Variants in MIPEP observed in about 807,000 individuals in gnomAD.
MIPEP encodes mitochondrial intermediate peptidase.
Under a neutral mutation model 90.3 loss-of-function variants are expected in MIPEP, and 79 were observed. That is an observed-to-expected ratio of 0.87 (90% confidence interval 0.73 to 1.05). The LOEUF (loss-of-function observed/expected upper bound fraction) is 1.05. Among genes scored for constraint, MIPEP ranks in the 50% least tolerant of loss-of-function variants. MIPEP has a pLI of 0.00. For missense variants in MIPEP, 940 were observed against 905.6 expected, an observed-to-expected ratio of 1.04 and a Z score of -0.49; for synonymous variants, 334 against 315.8, an observed-to-expected ratio of 1.06 and a Z score of -0.61.
At chr13:23,811,405 A>G (rs978997886) in intron 14 of MIPEP, among the ~76,000 whole-genome samples, 1 of 152,220 alleles carries the variant, frequency 6.6e-6, no homozygotes, top group Non-Finnish European at 1.5e-5. Context: ...AGAGGCCAAG[A>G]TAACTATAAG....
chr13:23,840,660 C>A (rs9510888), intron 11 of MIPEP, among the ~76,000 whole-genome samples: 2 of 152,060 alleles, frequency 1.3e-5, no homozygotes, highest in Admixed American at 1.3e-4. Flanking sequence ...AAGACGTGGC[C>A]GAGAGACAAT....
At chr13:23,851,099 G>A (rs1869782921) in intron 10 of MIPEP, among the ~76,000 whole-genome samples, 1 of 152,210 alleles carries the variant, frequency 6.6e-6, no homozygotes, top group Admixed American at 6.5e-5. Context: ...TCCAGCAACA[G>A]ACCCTATTCT....
rs182901731 is a variant in MIPEP at position 23,777,832 on chromosome 13, G to C, written c.1849-17615C>G. Among the ~76,000 whole-genome samples, 25 of 152,234 alleles carry C rather than the reference G, an allele frequency of 1.6e-4. No homozygotes were observed. In the Middle Eastern group the frequency reaches 0.014, roughly 83 times the overall value. ...AGTACTGTGCTTCTCTAAACTAACT[G>C]TGGCAGCATATTATTCTCTAAAATA... On this transcript the variant is annotated intron_variant, in intron 16 of 18. Coordinates refer to ENST00000382172, the MANE Select transcript of MIPEP (RefSeq NM_005932.4).
In MIPEP at chr13:23,841,519, CTTTG is replaced by C. The variant is rs749590712; in HGVS notation, c.1107-35_1107-32del. 3 of 1,560,810 alleles carry C rather than the reference CTTTG, an allele frequency of 1.9e-6. No homozygotes were observed. The South Asian group carries it at 3.6e-5, about 19-fold the overall frequency. On this transcript the variant is annotated intron_variant, in intron 10 of 18. Coordinates refer to ENST00000382172, the MANE Select transcript of MIPEP (RefSeq NM_005932.4). ...AGAAGGAAGAGAGGTTCAACAGCAT[CTTTG>C]TTTATTTCAATTTCTGAAGGTAAAT... is the stretch of plus-strand genomic sequence containing the variant.
In MIPEP at chr13:23,730,595, A is replaced by C; in HGVS notation, c.2045-150T>G. 6.5e-6 allele frequency: 4 copies of C among 610,736 alleles called. No individual in the cohort carries two copies. In the South Asian group the frequency reaches 8.2e-5, roughly 12 times the overall value. The allele number at this position is 610,736 out of a possible 1,614,324, so 37.8% of individuals were successfully genotyped here. ...ACCTGAATGCAAGAACATTTTATAAAGTCATGGGCAGTGTGTGGGCCTTGG... is the reference window on the plus strand; with the variant it reads ...ACCTGAATGCAAGAACATTTTATAACGTCATGGGCAGTGTGTGGGCCTTGG... On this transcript the variant is annotated intron_variant, in intron 18 of 18. Transcript: ENST00000382172.
At chr13:23,776,223 A>G (rs1952714774) in intron 16 of MIPEP, among the ~76,000 whole-genome samples, 1 of 152,136 alleles carries the variant, frequency 6.6e-6, no homozygotes, top group Admixed American at 6.5e-5. Flanking sequence ...TAAGCCTCTG[A>G]GCAGACATAA....
intron 15 of MIPEP, among the ~76,000 whole-genome samples, chr13:23,808,806 T>C (rs557478681): frequency 6.6e-6 from 1 of 152,350 alleles, no homozygotes; most frequent in African/African-American, 2.4e-5. Context: ...GTCTATATAA[T>C]AGATTTCCTT....
rs189751046 is a variant in MIPEP, at chr13:23,844,968, T to C, written c.1107-3480A>G. On this transcript the variant is annotated intron_variant, in intron 10 of 18. Coordinates refer to ENST00000382172, the MANE Select transcript of MIPEP (RefSeq NM_005932.4). ...TATTAACAATGGGCAAAAAGTATAC[T>C]GTCTTGTCCCCTGGCTCACTATGCC... 3.0e-3 allele frequency among the ~76,000 whole-genome samples: 460 copies of C among 152,262 alleles called. 3 individuals are homozygous for C. The highest frequency in any genetic ancestry group is 4.2e-3 in the Non-Finnish European group (286 of 68,014).
At chr13:23,798,869 G>A (rs192150477) in intron 16 of MIPEP, among the ~76,000 whole-genome samples, 74 of 152,010 alleles carry the variant, frequency 4.9e-4, no homozygotes, top group African/African-American at 1.7e-3. Context: ...CAAAAACCAC[G>A]AGCCAATTAA....
At chr13:23,733,481 C>G (rs1269043423) in intron 18 of MIPEP, among the ~76,000 whole-genome samples, 1 of 152,106 alleles carries the variant, frequency 6.6e-6, no homozygotes, top group Admixed American at 6.6e-5. Flanking sequence ...CCAGGAGGAG[C>G]AGGGTGGTGT....
chr13:23,788,319 A>G (rs937345202), intron 16 of MIPEP, among the ~76,000 whole-genome samples: 8 of 152,210 alleles, frequency 5.3e-5, no homozygotes, highest in African/African-American at 1.7e-4. Flanking sequence ...CTATGTTACA[A>G]TGTGATCACA....
At chr13:23,868,670 C>T (rs1435871893) in intron 7 of MIPEP, among the ~76,000 whole-genome samples, 1 of 152,168 alleles carries the variant, frequency 6.6e-6, no homozygotes, top group African/African-American at 2.4e-5. Flanking sequence ...ACTCCTGACT[C>T]ACCACCTAAA....
intron 10 of MIPEP, among the ~76,000 whole-genome samples, chr13:23,857,167 A>T (rs1200751183): frequency 6.6e-6 from 1 of 152,170 alleles, no homozygotes; most frequent in Non-Finnish European, 1.5e-5. Flanking sequence ...TAAAAGAGAC[A>T]TTTTATTTTT....
chr13:23,756,975 C>T lies in MIPEP; in HGVS notation c.1971-357G>A, dbSNP rs539636907. 1.4e-3 allele frequency: 398 copies of T among 274,538 alleles called. 6 individuals are homozygous for T. In the South Asian group the frequency reaches 0.02, roughly 14 times the overall value. The allele number at this position is 274,538 out of a possible 1,614,324, so 17.0% of individuals were successfully genotyped here. ...TTGTGAAAGACAATTTTTCCACAGA[C>T]GAGGGTTGATGGGGGAGGGATGGTT... On this transcript the variant is annotated intron_variant, in intron 17 of 18. Transcript: ENST00000382172.
chr13:23,856,469 A>G (rs1021403711), intron 10 of MIPEP, among the ~76,000 whole-genome samples: 4 of 152,224 alleles, frequency 2.6e-5, no homozygotes, highest in Admixed American at 1.3e-4. Context: ...GGCTGTTGGC[A>G]GCTATATTTA....
chr13:23,788,017 G>A (rs543796904), intron 16 of MIPEP, among the ~76,000 whole-genome samples: 1 of 152,202 alleles, frequency 6.6e-6, no homozygotes, highest in Non-Finnish European at 1.5e-5. Context: ...GTCAGCTGGA[G>A]GAGGGTGGGT....
intron 16 of MIPEP, among the ~76,000 whole-genome samples, chr13:23,802,848 T>C (rs777039458): frequency 3.9e-5 from 6 of 152,212 alleles, no homozygotes; most frequent in South Asian, 2.1e-4. Flanking sequence ...TATTATGAAA[T>C]AGACTTTGTG....
At chr13:23,732,226 C>A (rs1031911775) in intron 18 of MIPEP, among the ~76,000 whole-genome samples, 3 of 152,020 alleles carry the variant, frequency 2.0e-5, no homozygotes, top group East Asian at 1.9e-4. Flanking sequence ...TGGGCTCAAG[C>A]GATCCTCCTG....
chr13:23,747,847 T>C (rs1043054200), intron 18 of MIPEP, among the ~76,000 whole-genome samples: 2 of 152,164 alleles, frequency 1.3e-5, no homozygotes, highest in African/African-American at 4.8e-5. Context: ...TTCAAGTGAT[T>C]CTCCTGCCTC....
Sources: gnomAD v4.1 joint callset for allele counts (sites outside exome capture counted in the v4.1 genomes callset) on GRCh38, gnomAD v4.1.1 for gene constraint, MANE v1.5 for transcripts, NCBI Gene and HGNC (gene_info 2026-07-23, HGNC 2026-07-21) for gene names.